Variants in FRMD4A observed in about 807,000 individuals in gnomAD.
FRMD4A encodes the protein FERM domain containing 4A.
In FRMD4A, 29 loss-of-function variants were observed where a neutral mutation model predicts 129.1. The observed-to-expected ratio is 0.22, with a 90% CI of 0.17 to 0.31. FRMD4A has a LOEUF of 0.31. Ranked by LOEUF, FRMD4A falls within the 10% of genes least tolerant of loss-of-function variation. The pLI, the probability that FRMD4A is intolerant of heterozygous loss-of-function variation, is 1.00. For missense variants in FRMD4A, 1,272 were observed against 1,375.8 expected, an observed-to-expected ratio of 0.92 and a Z score of 1.19; for synonymous variants, 634 against 571.6, an observed-to-expected ratio of 1.11 and a Z score of -1.56.
intron 3 of FRMD4A, among the ~76,000 whole-genome samples, chr10:13,835,080 CT>C (rs1474486732): frequency 6.6e-6 from 1 of 152,120 alleles, no homozygotes; most frequent in East Asian, 1.9e-4. Flanking sequence ...AAGAAATATG[CT>C]TTCTTATCCT....
chr10:14,191,803 T>TC (rs201231285), intron 2 of FRMD4A, among the ~76,000 whole-genome samples: 2,195 of 114,380 alleles, frequency 0.019, 44 homozygotes, highest in African/African-American at 0.042. Flanking sequence ...TGTTTTTTTT[T>TC]TTTCTCTCTC....
intron 15 of FRMD4A, among the ~76,000 whole-genome samples, chr10:13,685,950 A>T (rs1369921749): frequency 1.3e-5 from 2 of 152,066 alleles, no homozygotes; most frequent in Non-Finnish European, 2.9e-5. Context: ...TATTTCCCCC[A>T]AAATAAGAAC....
chr10:13,739,811 C>A (rs1254261995), intron 11 of FRMD4A, among the ~76,000 whole-genome samples: 1 of 152,152 alleles, frequency 6.6e-6, no homozygotes, highest in African/African-American at 2.4e-5. Context: ...AAGAAAAAAA[C>A]AATGAGGGCC....
rs370064286 is a variant in FRMD4A, at chr10:13,764,797, A to G, written c.385-2117T>C. Among the ~76,000 whole-genome samples the G allele has an allele frequency of 7.9e-5, 12 of 152,330 alleles. No individual in the cohort carries two copies. In the East Asian group the frequency reaches 1.7e-3, roughly 22 times the overall value. ...CCCATAGTGGCTGACTGGATGACAG[A>G]GAGCTAGAGGTAAAAGAGATTTAGA... On this transcript the variant is annotated intron_variant, in intron 6 of 24. Coordinates refer to ENST00000357447, the MANE Select transcript of FRMD4A (RefSeq NM_018027.5).
chr10:14,322,131 G>T (rs1843082087), intron 2 of FRMD4A, among the ~76,000 whole-genome samples: 1 of 152,082 alleles, frequency 6.6e-6, no homozygotes, highest in South Asian at 2.1e-4. Flanking sequence ...CTTCTTTATA[G>T]CAATGCAAGA....
chr10:13,833,293 A>C (rs1468775498), intron 3 of FRMD4A, among the ~76,000 whole-genome samples: 1 of 152,214 alleles, frequency 6.6e-6, no homozygotes, highest in Non-Finnish European at 1.5e-5. Context: ...GTGGCAGGCA[A>C]GAGAGAGCTT....
intron 6 of FRMD4A, among the ~76,000 whole-genome samples, chr10:13,778,793 G>A (rs764774480): frequency 3.0e-4 from 45 of 152,064 alleles, no homozygotes; most frequent in Non-Finnish European, 4.9e-4. Flanking sequence ...CCATAGCCTG[G>A]CCATTCATTA....
chr10:14,133,824 G>A (rs969176034), intron 2 of FRMD4A, among the ~76,000 whole-genome samples: 1 of 152,180 alleles, frequency 6.6e-6, no homozygotes, highest in African/African-American at 2.4e-5. Flanking sequence ...TCATTTCGAG[G>A]ACAAGGGGCC....
chr10:13,781,393 T>TTTTA (rs1372621444), intron 6 of FRMD4A, among the ~76,000 whole-genome samples: 1 of 99,814 alleles, frequency 1.0e-5, no homozygotes, highest in Non-Finnish European at 1.8e-5. Context: ...TTTTTTTTTT[T>TTTTA]CTGAGACAGA....
intron 2 of FRMD4A, among the ~76,000 whole-genome samples, chr10:13,964,227 A>C (rs1438718097): frequency 6.6e-6 from 1 of 152,092 alleles, no homozygotes; most frequent in African/African-American, 2.4e-5. Context: ...CAAAACAAAA[A>C]ACATCAAACA....
chr10:14,234,589 A>G (rs919319488), intron 2 of FRMD4A, among the ~76,000 whole-genome samples: 2 of 152,212 alleles, frequency 1.3e-5, no homozygotes, highest in Non-Finnish European at 2.9e-5. Context: ...GACACATTTA[A>G]TGCCAAAGCC....
intron 2 of FRMD4A, among the ~76,000 whole-genome samples, chr10:14,050,690 A>C (rs1229016139): frequency 6.6e-6 from 1 of 152,064 alleles, no homozygotes; most frequent in African/African-American, 2.4e-5. Flanking sequence ...ATGGCCAATG[A>C]TTTAACCAAC....
chr10:13,672,682 T>A (rs2083610138), intron 16 of FRMD4A, among the ~76,000 whole-genome samples: 1 of 151,904 alleles, frequency 6.6e-6, no homozygotes, highest in Admixed American at 6.6e-5. Context: ...CTCGGCTTGG[T>A]GCCTCCCTAT....
chr10:13,772,634 C>G (rs1237694735), intron 6 of FRMD4A, among the ~76,000 whole-genome samples: 1 of 152,192 alleles, frequency 6.6e-6, no homozygotes, highest in Non-Finnish European at 1.5e-5. Flanking sequence ...AATTCCACCT[C>G]ATTTTAATGC....
At chr10:14,029,949 G>A (rs1209558587) in intron 2 of FRMD4A, among the ~76,000 whole-genome samples, 12 of 152,070 alleles carry the variant, frequency 7.9e-5, no homozygotes, top group Admixed American at 5.9e-4. Flanking sequence ...TGAAGAGATT[G>A]TCTTTTTCCC....
chr10:13,925,244 T>C (rs2095118055), intron 2 of FRMD4A, among the ~76,000 whole-genome samples: 1 of 152,142 alleles, frequency 6.6e-6, no homozygotes, highest in Non-Finnish European at 1.5e-5. Flanking sequence ...ATTCACTGAC[T>C]GCACCAATGG....
At chr10:14,024,569 G>T (rs573076066) in intron 2 of FRMD4A, among the ~76,000 whole-genome samples, 1 of 152,322 alleles carries the variant, frequency 6.6e-6, no homozygotes, top group African/African-American at 2.4e-5. Flanking sequence ...GCAGAACATC[G>T]CAGGCTGGAC....
intron 20 of FRMD4A, among the ~76,000 whole-genome samples, chr10:13,660,025 G>C (rs376666796): frequency 2.6e-4 from 40 of 152,338 alleles, no homozygotes; most frequent in Middle Eastern, 3.4e-3. Flanking sequence ...TTTCAGAATA[G>C]CGCTGCCTGA....
At chr10:14,154,461 G>C (rs117543339) in intron 2 of FRMD4A, among the ~76,000 whole-genome samples, 1,623 of 152,190 alleles carry the variant, frequency 0.011, 21 homozygotes, top group South Asian at 0.018. Flanking sequence ...CCTACTTCTA[G>C]ACCCCCAGTG....
Sources: gnomAD v4.1 joint callset for allele counts (sites outside exome capture counted in the v4.1 genomes callset) on GRCh38, gnomAD v4.1.1 for gene constraint, MANE v1.5 for transcripts, NCBI Gene and HGNC (gene_info 2026-07-23, HGNC 2026-07-21) for gene names.